THSD7B: variants seen among roughly 807,000 people sequenced by gnomAD.
The protein encoded by THSD7B is thrombospondin type 1 domain containing 7B.
A neutral mutation model predicts 213.6 loss-of-function variants in THSD7B; 138 were observed. That is an observed-to-expected ratio of 0.65 (90% CI 0.56 to 0.74). The LOEUF is 0.74. Among genes scored for constraint, THSD7B ranks in the 30% least tolerant of loss-of-function variants. THSD7B has a pLI of 0.00. For missense variants in THSD7B, 1,931 were observed against 1,991.5 expected (o/e 0.97, Z 0.58); for synonymous variants, 742 against 687.0 (o/e 1.08, Z -1.25).
intron 15 of THSD7B, among the ~76,000 whole-genome samples, chr2:137,525,392 A>T (rs1389539156): frequency 1.3e-5 from 2 of 152,124 alleles, no homozygotes; most frequent in African/African-American, 4.8e-5. Flanking sequence ...CTTTATTTTG[A>T]CAGGCAGTTT....
intron 15 of THSD7B, among the ~76,000 whole-genome samples, chr2:137,547,839 A>C (rs777536629): frequency 5.3e-5 from 8 of 151,920 alleles, no homozygotes. Flanking sequence ...TGCAGTGCTG[A>C]TTAAGAGATG....
chr2:137,502,776 T>C (rs753740910), intron 15 of THSD7B, among the ~76,000 whole-genome samples: 4 of 152,206 alleles, frequency 2.6e-5, no homozygotes, highest in Non-Finnish European at 5.9e-5. Flanking sequence ...TTCTGTTTAA[T>C]CTCAGCCCCG....
At chr2:136,822,659 A>G (rs1471392920) in intron 1 of THSD7B, among the ~76,000 whole-genome samples, 2 of 152,198 alleles carry the variant, frequency 1.3e-5, no homozygotes, top group East Asian at 1.9e-4. Flanking sequence ...TAAAATATGC[A>G]TAAATTCATC....
chr2:137,405,607 T>C lies in THSD7B; in HGVS notation c.2501-6T>C. On this transcript the variant is annotated splice_region_variant and splice_polypyrimidine_tract_variant and intron_variant, in intron 12 of 27. Coordinates refer to ENST00000409968, the MANE Select transcript of THSD7B (RefSeq NM_001316349.2). ...TAATAACAAAAGAATTCATGCTTTTTTTCAGCTGTCTCATGCATCTCTGAT... is the reference window on the plus strand; with the variant it reads ...TAATAACAAAAGAATTCATGCTTTTCTTCAGCTGTCTCATGCATCTCTGAT... 2 of 1,581,950 alleles carry C rather than the reference T, an allele frequency of 1.3e-6. No individual in the cohort carries two copies. Among genetic ancestry groups the C allele is most frequent in the Non-Finnish European group, 1.7e-6 (2 of 1,164,186 alleles).
At chr2:137,291,911 CTCTTTCTGTT>C (rs1683348677) in intron 12 of THSD7B, among the ~76,000 whole-genome samples, 1 of 152,214 alleles carries the variant, frequency 6.6e-6, no homozygotes, top group African/African-American at 2.4e-5. Context: ...AATGTGGCTT[CTCTTTCTGTT>C]TCTTTAGAGT....
intron 5 of THSD7B, among the ~76,000 whole-genome samples, chr2:137,126,454 ACCC>A (rs1300167226): frequency 1.4e-4 from 10 of 72,384 alleles, no homozygotes; most frequent in African/African-American, 4.2e-4. Context: ...GGTTTCCCCC[ACCC>A]CCCTGCCCCA....
chr2:136,911,846 C>T (rs1231610731), intron 2 of THSD7B, among the ~76,000 whole-genome samples: 1 of 152,246 alleles, frequency 6.6e-6, no homozygotes, highest in East Asian at 1.9e-4. Context: ...TTCCAAATTT[C>T]TAGACATATG....
chr2:137,258,322 G>A (rs1384912334), intron 10 of THSD7B, among the ~76,000 whole-genome samples: 1 of 151,754 alleles, frequency 6.6e-6, no homozygotes, highest in Admixed American at 6.6e-5. Flanking sequence ...TTTTAATATG[G>A]TTCCAGGTAG....
chr2:137,026,208 G>A (rs910588822), intron 2 of THSD7B, among the ~76,000 whole-genome samples: 4 of 152,148 alleles, frequency 2.6e-5, no homozygotes, highest in Admixed American at 6.6e-5. Context: ...CAGGGCCAGC[G>A]GTGGAGACTT....
Position 137,663,322 on chromosome 2 carries a change from T to C in THSD7B, c.4459-61T>C, listed in dbSNP as rs944323221. ...AATATTAAGTGATTTTAACATTATATTTTTATTCATTCACCTGTTCAACTC... is the reference window on the plus strand; with the variant it reads ...AATATTAAGTGATTTTAACATTATACTTTTATTCATTCACCTGTTCAACTC... On this transcript the variant is annotated intron_variant, in intron 25 of 27. Coordinates refer to ENST00000409968, the MANE Select transcript of THSD7B (RefSeq NM_001316349.2). The C allele has an allele frequency of 3.7e-6, 5 of 1,346,108 alleles. No individual in the cohort carries two copies. The African/African-American group carries it at 4.4e-5, about 12-fold the overall frequency. 83.4% of individuals were successfully genotyped at this position (1,346,108 alleles called of 1,614,324 possible). A position where few individuals can be genotyped will look rare whatever the true frequency, so the allele number is the denominator to read the frequency against.
chr2:137,072,101 G>A (rs1410489309), intron 3 of THSD7B, among the ~76,000 whole-genome samples: 2 of 152,050 alleles, frequency 1.3e-5, no homozygotes, highest in Non-Finnish European at 1.5e-5. Context: ...CTCTTTTTTG[G>A]TTCCATATGA....
intron 15 of THSD7B, among the ~76,000 whole-genome samples, chr2:137,499,747 A>G (rs1328652286): frequency 6.6e-6 from 1 of 152,178 alleles, no homozygotes; most frequent in Non-Finnish European, 1.5e-5. Context: ...CATGAGCTGG[A>G]GCAGAAGAGG....
At chr2:137,650,142 G>A (rs1683110908) in intron 21 of THSD7B, among the ~76,000 whole-genome samples, 1 of 151,982 alleles carries the variant, frequency 6.6e-6, no homozygotes, top group Non-Finnish European at 1.5e-5. Flanking sequence ...TATTTTGATG[G>A]GGATTGCACT....
chr2:137,045,211 A>G (rs1159775417), intron 2 of THSD7B, among the ~76,000 whole-genome samples: 1 of 152,132 alleles, frequency 6.6e-6, no homozygotes, highest in Non-Finnish European at 1.5e-5. Flanking sequence ...TAAGTCTAGA[A>G]CTTTCACCTT....
chr2:136,920,622 C>T (rs1423186460), intron 2 of THSD7B, among the ~76,000 whole-genome samples: 1 of 152,190 alleles, frequency 6.6e-6, no homozygotes, highest in Non-Finnish European at 1.5e-5. Flanking sequence ...AGCCTGGCCC[C>T]CAAACCTCAA....
chr2:137,104,260 A>G (rs1446648588), intron 4 of THSD7B, among the ~76,000 whole-genome samples: 1 of 152,222 alleles, frequency 6.6e-6, no homozygotes, highest in African/African-American at 2.4e-5. Context: ...TGGAAGCTGA[A>G]CAACCTGCTC....
At chr2:137,158,426 C>G (rs1025550364) in intron 5 of THSD7B, among the ~76,000 whole-genome samples, 4 of 152,206 alleles carry the variant, frequency 2.6e-5, no homozygotes, top group African/African-American at 9.6e-5. Flanking sequence ...CTTCCTTTCT[C>G]TGTCCCCTCC....
At chr2:137,324,457 C>T (rs1558758131) in intron 12 of THSD7B, among the ~76,000 whole-genome samples, 1 of 151,846 alleles carries the variant, frequency 6.6e-6, no homozygotes, top group African/African-American at 2.4e-5. Flanking sequence ...TCAAAAATTT[C>T]TGTGTGTTTT....
intron 15 of THSD7B, among the ~76,000 whole-genome samples, chr2:137,480,925 G>A (rs1177763789): frequency 6.6e-6 from 1 of 152,216 alleles, no homozygotes; most frequent in African/African-American, 2.4e-5. Flanking sequence ...CTAATCCTCA[G>A]TGCAACAATA....
Sources: gnomAD v4.1 joint callset for allele counts (sites outside exome capture counted in the v4.1 genomes callset) on GRCh38, gnomAD v4.1.1 for gene constraint, MANE v1.5 for transcripts, NCBI Gene and HGNC (gene_info 2026-07-23, HGNC 2026-07-21) for gene names.